Variants in RBFOX1 observed in about 807,000 individuals in gnomAD.
RBFOX1 encodes the protein RNA binding fox-1 homolog 1.
RBFOX1 carries 8 observed loss-of-function variants against 57.7 expected under a neutral mutation model. The ratio of observed to expected loss-of-function variants is 0.14; its 90% CI spans 0.08 to 0.25. RBFOX1 has a LOEUF of 0.25. Among genes scored for constraint, RBFOX1 ranks in the 10% least tolerant of loss-of-function variants. The pLI, the probability that RBFOX1 is intolerant of heterozygous loss-of-function variation, is 1.00. For missense variants in RBFOX1, 611 were observed against 548.5 expected (o/e 1.11, Z -1.14); for synonymous variants, 326 against 222.4 (o/e 1.47, Z -4.15).
intron 1 of RBFOX1, among the ~76,000 whole-genome samples, chr16:6,250,642 T>A (rs1173802150): frequency 6.6e-6 from 1 of 152,164 alleles, no homozygotes; most frequent in Non-Finnish European, 1.5e-5. Context: ...GGGTCATCCC[T>A]GTTTAGATTG....
intron 4 of RBFOX1, among the ~76,000 whole-genome samples, chr16:7,443,086 C>G (rs1185578784): frequency 6.6e-6 from 1 of 152,144 alleles, no homozygotes; most frequent in South Asian, 2.1e-4. Context: ...TTCAGTTGCA[C>G]GAGAACACTC....
intron 3 of RBFOX1, among the ~76,000 whole-genome samples, chr16:5,803,414 A>G (rs2055122068): frequency 6.6e-6 from 1 of 152,142 alleles, no homozygotes; most frequent in African/African-American, 2.4e-5. Context: ...CCCAGTTCCC[A>G]CACTGACCAG....
chr16:5,702,916 TG>T (rs1225981781), intron 3 of RBFOX1, among the ~76,000 whole-genome samples: 1 of 152,214 alleles, frequency 6.6e-6, no homozygotes, highest in Non-Finnish European at 1.5e-5. Flanking sequence ...TTCATCTTAT[TG>T]TATCTGTTAC....
intron 4 of RBFOX1, among the ~76,000 whole-genome samples, chr16:7,202,247 A>G (rs535658554): frequency 2.0e-5 from 3 of 152,242 alleles, no homozygotes; most frequent in Admixed American, 6.5e-5. Flanking sequence ...AGAAAAGACA[A>G]ATAAAAATTA....
intron 1 of RBFOX1, among the ~76,000 whole-genome samples, chr16:6,280,629 A>C (rs1026374934): frequency 2.0e-5 from 3 of 152,158 alleles, no homozygotes; most frequent in African/African-American, 7.2e-5. Flanking sequence ...GGCATTATTT[A>C]GCCCCACGAG....
chr16:6,710,996 A>G (rs2154151579), intron 3 of RBFOX1, among the ~76,000 whole-genome samples: 1 of 152,318 alleles, frequency 6.6e-6, no homozygotes, highest in South Asian at 2.1e-4. Context: ...GAGCGGAAAA[A>G]TGGCACATAC....
At chr16:7,123,144 A>T (rs1272308308) in intron 4 of RBFOX1, among the ~76,000 whole-genome samples, 1 of 152,096 alleles carries the variant, frequency 6.6e-6, no homozygotes, top group Non-Finnish European at 1.5e-5. Flanking sequence ...AGAATCTGTA[A>T]ATTATGTTAA....
At chr16:7,122,713 C>G (rs1308271866) in intron 4 of RBFOX1, among the ~76,000 whole-genome samples, 2 of 152,090 alleles carry the variant, frequency 1.3e-5, no homozygotes, top group African/African-American at 4.8e-5. Flanking sequence ...CAATCCTACT[C>G]CTGGGTTCCT....
chr16:7,249,796 C>G (rs2094441979), intron 4 of RBFOX1, among the ~76,000 whole-genome samples: 1 of 151,904 alleles, frequency 6.6e-6, no homozygotes, highest in African/African-American at 2.4e-5. Flanking sequence ...CTTAAGCACA[C>G]CCAGGACTTT....
At chr16:6,219,478 C>G (rs1418274054) in intron 1 of RBFOX1, among the ~76,000 whole-genome samples, 1 of 152,172 alleles carries the variant, frequency 6.6e-6, no homozygotes, top group Non-Finnish European at 1.5e-5. Context: ...TCGGTCAAGT[C>G]TGAGCTTCAT....
chr16:6,038,803 G>A (rs1478304315), intron 1 of RBFOX1: 2 of 148,770 alleles, frequency 1.3e-5, no homozygotes, highest in African/African-American at 4.9e-5. Flanking sequence ...ACTTGGGTTG[G>A]ATTTTTGGTT....
exon 3 of RBFOX1, chr16:5,599,333 G>T (rs1377055544): frequency 4.9e-6 from 3 of 615,008 alleles, no homozygotes; most frequent in South Asian, 2.0e-5. Context: ...ATGTCATTGG[G>T]TTGTCTTCCT....
intron 1 of RBFOX1, among the ~76,000 whole-genome samples, chr16:6,126,693 G>C (rs1300221226): frequency 6.6e-6 from 1 of 152,078 alleles, no homozygotes; most frequent in Non-Finnish European, 1.5e-5. Flanking sequence ...CACTAGAGCA[G>C]GTTTTGTTCT....
intron 2 of RBFOX1, among the ~76,000 whole-genome samples, chr16:6,460,466 A>C (rs1370432417): frequency 6.6e-6 from 1 of 152,154 alleles, no homozygotes; most frequent in Non-Finnish European, 1.5e-5. Flanking sequence ...TCAAAAAAAA[A>C]ACATACATGC....
chr16:6,616,166 G>T (rs2098138198), intron 2 of RBFOX1, among the ~76,000 whole-genome samples: 1 of 152,156 alleles, frequency 6.6e-6, no homozygotes, highest in Non-Finnish European at 1.5e-5. Context: ...TTTCATCATT[G>T]TATGTGTATT....
At chr16:6,763,670 G>C (rs9924021) in intron 3 of RBFOX1, among the ~76,000 whole-genome samples, 28,000 of 152,058 alleles carry the variant, frequency 0.18, 3,478 homozygotes, top group East Asian at 0.4. Context: ...CAAAGTATCG[G>C]GTCTGTTTTA....
chr16:7,176,760 C>T (rs1030198169), intron 4 of RBFOX1, among the ~76,000 whole-genome samples: 1 of 152,034 alleles, frequency 6.6e-6, no homozygotes, highest in Admixed American at 6.5e-5. Flanking sequence ...CAAGGTAAGA[C>T]AGACACGACA....
intron 4 of RBFOX1, among the ~76,000 whole-genome samples, chr16:5,899,827 A>G (rs1205228001): frequency 6.6e-6 from 1 of 152,208 alleles, no homozygotes; most frequent in Non-Finnish European, 1.5e-5. Context: ...CAATCGCAGC[A>G]CTTTGGGAGA....
In RBFOX1 at chr16:6,269,329, A is replaced by T. The variant is rs950326068; in HGVS notation, c.-126-47666A>T. Among the ~76,000 whole-genome samples the T allele has an allele frequency of 6.6e-5, 10 of 152,304 alleles. 1 individual carries two copies. Among genetic ancestry groups the T allele is most frequent in the Middle Eastern group, 3.4e-3 (1 of 294 alleles). On this transcript the variant is annotated intron_variant, in intron 1 of 15. Coordinates refer to ENST00000550418, the MANE Select transcript of RBFOX1 (RefSeq NM_018723.4). ...ATATTTTTGATGTGTGGTTGGTAGCATCTGTGGATATAGAACCCATGGATA... is the reference window on the plus strand; with the variant it reads ...ATATTTTTGATGTGTGGTTGGTAGCTTCTGTGGATATAGAACCCATGGATA...
Sources: gnomAD v4.1 joint callset for allele counts (sites outside exome capture counted in the v4.1 genomes callset) on GRCh38, gnomAD v4.1.1 for gene constraint, MANE v1.5 for transcripts, NCBI Gene and HGNC (gene_info 2026-07-23, HGNC 2026-07-21) for gene names.